The following PDE1A variants were observed in gnomAD, a reference collection of about 807,000 sequenced individuals.
PDE1A encodes the protein phosphodiesterase 1A, also known as dual specificity calcium/calmodulin-dependent 3',5'-cyclic nucleotide phosphodiesterase 1A.
Under a neutral mutation model 61.7 loss-of-function variants are expected in PDE1A, and 35 were observed. That is an observed-to-expected ratio of 0.57 (90% CI 0.43 to 0.75). PDE1A has a LOEUF of 0.75. Among genes scored for constraint, PDE1A ranks in the 30% least tolerant of loss-of-function variants. PDE1A has a pLI of 0.00. For synonymous variants in PDE1A, 232 were observed against 213.2 expected, an observed-to-expected ratio of 1.09 and a Z score of -0.77; for missense variants, 597 against 630.6, an observed-to-expected ratio of 0.95 and a Z score of 0.57.
the PDE1A span, among the ~76,000 whole-genome samples, chr2:182,693,680 A>T: frequency 7.2e-6 from 1 of 139,838 alleles, no homozygotes; most frequent in Non-Finnish European, 1.5e-5. Flanking sequence ...AACACTCCAC[A>T]CTGTTGCCCA....
At chr2:182,168,887 C>T (rs1559130561) in intron 13 of PDE1A, among the ~76,000 whole-genome samples, 1 of 151,948 alleles carries the variant, frequency 6.6e-6, no homozygotes, top group African/African-American at 2.4e-5. Flanking sequence ...AGGGCTAATG[C>T]TGTCACATAG....
At chr2:182,158,109 A>G (rs1379360431) in intron 13 of PDE1A, among the ~76,000 whole-genome samples, 1 of 152,228 alleles carries the variant, frequency 6.6e-6, no homozygotes, top group African/African-American at 2.4e-5. Flanking sequence ...AGCTAGCTTC[A>G]TCTACTTAGA....
At chr2:182,645,784 G>A in the PDE1A span, among the ~76,000 whole-genome samples, 1 of 152,052 alleles carries the variant, frequency 6.6e-6, no homozygotes, top group African/African-American at 2.4e-5. Context: ...AATTTGAAAA[G>A]GTAAAACGGT....
At chr2:182,488,612 C>T (rs1688177849) in intron 2 of PDE1A, among the ~76,000 whole-genome samples, 1 of 152,106 alleles carries the variant, frequency 6.6e-6, no homozygotes, top group South Asian at 2.1e-4. Context: ...CTACTGAAGC[C>T]TTCTGCAAAA....
intron 2 of PDE1A, among the ~76,000 whole-genome samples, chr2:182,498,609 T>C (rs2368300): frequency 0.85 from 129,409 of 151,998 alleles, 55,239 homozygotes; most frequent in East Asian, 0.99. Context: ...CTGAAAGGCA[T>C]GTATTTCCAG....
At chr2:182,430,991 G>A (rs1703914991), upstream of PDE1A, among the ~76,000 whole-genome samples, 1 of 137,692 alleles carries the variant, frequency 7.3e-6, no homozygotes, top group Non-Finnish European at 1.6e-5. Flanking sequence ...AGCATTGGGA[G>A]ATATACCTAA....
At chr2:182,590,340 C>T in the PDE1A span, among the ~76,000 whole-genome samples, 555 of 152,148 alleles carry the variant, frequency 3.6e-3, 4 homozygotes, top group African/African-American at 0.013. Flanking sequence ...TGGTGGTGCC[C>T]GCCCATAGTC....
the PDE1A span, among the ~76,000 whole-genome samples, chr2:182,605,262 A>T: frequency 1.3e-5 from 2 of 152,066 alleles, no homozygotes; most frequent in Non-Finnish European, 2.9e-5. Context: ...AGGGCTGCTA[A>T]TCAAATATTT....
At chr2:182,476,566 T>G (rs1051599421) in intron 2 of PDE1A, among the ~76,000 whole-genome samples, 2 of 151,946 alleles carry the variant, frequency 1.3e-5, no homozygotes. Context: ...TTATTTTGAT[T>G]AATAGACAGT....
At chr2:182,375,292 G>A (rs1000868287) in intron 1 of PDE1A, among the ~76,000 whole-genome samples, 2 of 152,148 alleles carry the variant, frequency 1.3e-5, no homozygotes, top group Admixed American at 1.3e-4. Context: ...AGACAAGCAG[G>A]TCCCTTCCAA....
chr2:182,350,117 C>T (rs1698781964), intron 1 of PDE1A, among the ~76,000 whole-genome samples: 1 of 152,084 alleles, frequency 6.6e-6, no homozygotes, highest in Non-Finnish European at 1.5e-5. Context: ...CAGTAACTAA[C>T]ACCATAGATT....
the PDE1A span, among the ~76,000 whole-genome samples, chr2:182,656,122 C>G: frequency 1.3e-5 from 2 of 152,122 alleles, no homozygotes; most frequent in Non-Finnish European, 2.9e-5. Flanking sequence ...AGTATTTTAC[C>G]TTCTACCTGT....
the PDE1A span, among the ~76,000 whole-genome samples, chr2:182,555,042 T>C: frequency 6.6e-6 from 1 of 152,192 alleles, no homozygotes; most frequent in Non-Finnish European, 1.5e-5. Flanking sequence ...ATAATACTCA[T>C]ATAAACTAAA....
the PDE1A span, among the ~76,000 whole-genome samples, chr2:182,601,942 C>T: frequency 0.011 from 1,600 of 152,272 alleles, 33 homozygotes; most frequent in African/African-American, 0.036. Flanking sequence ...CCACAAGTTC[C>T]CACTCCATTC....
the PDE1A span, among the ~76,000 whole-genome samples, chr2:182,652,461 G>A: frequency 6.6e-6 from 1 of 152,040 alleles, no homozygotes; most frequent in Non-Finnish European, 1.5e-5. Flanking sequence ...AGGAACCCTA[G>A]GCCTGAGATC....
chr2:182,489,872 A>G (rs1688269405), intron 2 of PDE1A, among the ~76,000 whole-genome samples: 1 of 152,198 alleles, frequency 6.6e-6, no homozygotes, highest in African/African-American at 2.4e-5. Context: ...GTAGAGCATG[A>G]TAGATTGATG....
intron 2 of PDE1A, among the ~76,000 whole-genome samples, chr2:182,252,998 G>C (rs1013675659): frequency 6.6e-6 from 1 of 152,200 alleles, no homozygotes; most frequent in African/African-American, 2.4e-5. Context: ...CTTGATACTT[G>C]CTCAAGAAAC....
At chr2:182,415,497 C>T (rs1274357199) in intron 1 of PDE1A, among the ~76,000 whole-genome samples, 1 of 151,890 alleles carries the variant, frequency 6.6e-6, no homozygotes, top group East Asian at 1.9e-4. Flanking sequence ...TAGTCTTGTA[C>T]AACCTAGAAG....
intron 1 of PDE1A, among the ~76,000 whole-genome samples, chr2:182,364,466 T>TAAAA (rs201821721): frequency 0.013 from 459 of 35,836 alleles, 104 homozygotes; most frequent in African/African-American, 0.035. Context: ...AACACTTTGG[T>TAAAA]AAAAAAAAAA....
Sources: gnomAD v4.1 joint callset for allele counts (sites outside exome capture counted in the v4.1 genomes callset) on GRCh38, gnomAD v4.1.1 for gene constraint, MANE v1.5 for transcripts, NCBI Gene and HGNC (gene_info 2026-07-23, HGNC 2026-07-21) for gene names.